Variants in RUVBL2 observed in about 807,000 individuals in gnomAD.
The protein encoded by RUVBL2 is ruvB-like 2.
Under a neutral mutation model 57.9 loss-of-function variants are expected in RUVBL2, and 9 were observed. The observed-to-expected ratio is 0.16, with a 90% confidence interval of 0.09 to 0.27. The LOEUF is 0.27. Among genes scored for constraint, RUVBL2 ranks in the 10% least tolerant of loss-of-function variants. The probability of loss-of-function intolerance (pLI) is 1.00; values close to 1 mark genes in which losing one functional copy is unlikely to be tolerated. For synonymous variants in RUVBL2, 278 were observed against 264.6 expected (o/e 1.05, Z -0.49); for missense variants, 456 against 669.6 (o/e 0.68, Z 3.52).
chr19:49,002,880 C>T lies in RUVBL2; in HGVS notation c.68-399C>T, dbSNP rs114534064. Among the ~76,000 whole-genome samples the T allele has an allele frequency of 7.1e-3, 1,076 of 152,008 alleles. 14 individuals are homozygous for T. Among genetic ancestry groups the T allele is most frequent in the African/African-American group, 0.02 (809 of 41,462 alleles). ...GATTATAGGCAGGAGCCACTGCGCC[C>T]GGCCCCAGCCAGGGCTCTTTTTTTG... On this transcript the variant is annotated intron_variant, in intron 2 of 14. Coordinates refer to ENST00000595090, the MANE Select transcript of RUVBL2 (RefSeq NM_006666.3).
In RUVBL2 at chr19:49,007,404, C is replaced by T. The variant is rs770449533; in HGVS notation, c.462+36C>T. On this transcript the variant is annotated intron_variant, in intron 6 of 14. Transcript: ENST00000595090. ...GTGAGTCTGTACCCTGCTGAGGCCA[C>T]CTCCAGCGCCAGGGTTGGAGAGAGT... 1.7e-5 allele frequency: 27 copies of T among 1,587,528 alleles called. No homozygotes were observed. In the Admixed American group the frequency reaches 4.4e-4, roughly 26 times the overall value.
Position 49,011,654 on chromosome 19 carries a change from C to A in RUVBL2, c.1001+344C>A, listed in dbSNP as rs1226109901. 6.6e-6 allele frequency among the ~76,000 whole-genome samples: 1 copy of A among 152,212 alleles called. No individual in the cohort carries two copies. The highest frequency in any genetic ancestry group is 1.5e-5 in the Non-Finnish European group (1 of 68,046). On this transcript the variant is annotated intron_variant, in intron 11 of 14. Coordinates refer to ENST00000595090, the MANE Select transcript of RUVBL2 (RefSeq NM_006666.3). The surrounding 1 kb of genome is among the most constrained non-coding windows in gnomAD (Gnocchi z 4.4). ...GCACAGTGACATCTGTTAGACATAA[C>A]ATAAACTACGATTGTTCAGTCACTT...
intron 11 of RUVBL2, among the ~76,000 whole-genome samples, chr19:49,012,843 C>CCACACACACACACACACACACACA (rs58302006): frequency 9.9e-5 from 14 of 141,906 alleles, no homozygotes; most frequent in African/African-American, 3.4e-4. Context: ...TCAGTGCCCA[C>CCACACACACACACACACACACACA]CACACACACA....
At chr19:48,993,995 C>T (rs2038999739) in intron 1 of RUVBL2, 72 bp downstream of exon 1, 1 of 1,582,988 alleles carries the variant, frequency 6.3e-7, no homozygotes, top group Non-Finnish European at 8.7e-7. Context: ...ATGCTGGAGG[C>T]CCTGACTCCT....
rs746178104 is a variant in RUVBL2 at position 49,007,368 on chromosome 19, G to GGTGAGTCTGT, written c.462+11_462+20dup. The GGTGAGTCTGT allele has an allele frequency of 1.2e-6, 2 of 1,613,790 alleles. No individual in the cohort carries two copies. The highest frequency in any genetic ancestry group is 2.2e-5 in the South Asian group (2 of 90,972). ...AGATTGATCGACCAGCAACAGGGAC[G>GGTGAGTCTGT]GTGAGTCTGTGTGAGTCTGTACCCT... On this transcript the variant is annotated frameshift_variant and splice_region_variant. Transcript: ENST00000595090. LOFTEE classifies it high-confidence loss of function.
intron 2 of RUVBL2, chr19:49,001,225 A>G (rs2039174044): frequency 6.7e-6 from 1 of 149,978 alleles, no homozygotes; most frequent in African/African-American, 2.5e-5. Flanking sequence ...GCAGTGGCGC[A>G]ATCTCGGCTC....
At chr19:48,999,483 A>C (rs2039134064) in intron 2 of RUVBL2, 110 bp downstream of exon 2, 2 of 1,086,432 alleles carry the variant, frequency 1.8e-6, no homozygotes, top group South Asian at 1.3e-5. Flanking sequence ...CTGCACACCA[A>C]CTGTGCCCCC....
At chr19:49,003,995 G>A (rs965126571) in intron 3 of RUVBL2, among the ~76,000 whole-genome samples, 1 of 151,028 alleles carries the variant, frequency 6.6e-6, no homozygotes, top group Non-Finnish European at 1.5e-5. Context: ...GCACATTTGT[G>A]GTCCCAGCTA....
intron 8 of RUVBL2, 143 bp from the exon 9 acceptor site, chr19:49,010,345 C>G: frequency 2.4e-6 from 2 of 850,698 alleles, no homozygotes; most frequent in Non-Finnish European, 3.7e-6. Flanking sequence ...CCTCCTGGGC[C>G]TGGGGTTTCC....
Position 49,009,782 on chromosome 19 carries a change from A to G in RUVBL2, c.469A>G (p.Lys157Glu). Residue 157 changes from lysine (K) to glutamate (E), a missense_variant, in exon 7 of 15, where the codon AAG becomes GAG. Physicochemically the swap from Lys to Glu is moderately conservative, Grantham distance 56 (BLOSUM62 1). This residue lies in a region of RUVBL2 where 233 missense variants were observed against 306.0 expected (regional missense o/e 0.76). Transcript: ENST00000595090. ...IDRPATGTGS[K>E]VGKLTLKTTE... ...GGCTTGTCCCCACTCTCAGGGCTCC[A>G]AGGTGGGCAAACTGACCCTCAAGAC... 6.2e-7 allele frequency: 1 copy of G among 1,613,944 alleles called. No individual in the cohort carries two copies. Among genetic ancestry groups the G allele is most frequent in the Non-Finnish European group, 8.5e-7 (1 of 1,179,916 alleles).
intron 6 of RUVBL2, among the ~76,000 whole-genome samples, chr19:49,009,191 A>G (rs2039348046): frequency 7.4e-6 from 1 of 135,216 alleles, no homozygotes; most frequent in African/African-American, 2.8e-5. Context: ...AAAAAAAAAA[A>G]AAAAAGAGCT....
rs78248023 is a variant in RUVBL2 at position 49,011,914 on chromosome 19, C to G, written c.1001+604C>G. ...ACTGTGCTGTGCTGAAGCCTGGGAA[C>G]CTCGTCTCCCAGGTGTTGCCAGCAC... is the stretch of plus-strand genomic sequence containing the variant. On this transcript the variant is annotated intron_variant, in intron 11 of 14. Transcript: ENST00000595090. The surrounding 1 kb of genome is among the most constrained non-coding windows in gnomAD (Gnocchi z 4.4). Among the ~76,000 whole-genome samples, 2 of 151,542 alleles carry G rather than the reference C, an allele frequency of 1.3e-5. No homozygotes were observed. The highest frequency in any genetic ancestry group is 2.9e-5 in the Non-Finnish European group (2 of 67,852).
In RUVBL2 at chr19:49,015,147, C is replaced by T; in HGVS notation, c.1248C>T (p.Arg416=). 6.2e-7 allele frequency: 1 copy of T among 1,606,838 alleles called. No homozygotes were observed. ...CTGCCAGCTTGGTGTGCCGGAAACG[C>T]AAGGTCAGCCGGCCGAATTAGCCAG... The part of the protein sequence containing the change: ...ITAASLVCRK[R]KGTEVQVDDI... Residue 416 remains arginine, a synonymous_variant, in exon 13 of 15, where the codon CGC becomes CGT. Coordinates refer to ENST00000595090, the MANE Select transcript of RUVBL2 (RefSeq NM_006666.3).
chr19:49,003,252 G>A, intron 2 of RUVBL2, 27 bp from the exon 3 acceptor site: 9 of 1,610,242 alleles, frequency 5.6e-6, no homozygotes, highest in Non-Finnish European at 7.6e-6. Flanking sequence ...GCTAGTAACT[G>A]AGTCTTTGTT....
intron 8 of RUVBL2, 115 bp downstream of exon 8, chr19:49,010,181 C>A: frequency 1.0e-6 from 1 of 991,180 alleles, no homozygotes; most frequent in Non-Finnish European, 1.5e-6. Flanking sequence ...ACTGTTTGTC[C>A]TGGTACTCCT....
chr19:49,004,160 CT>C, intron 3 of RUVBL2, 116 bp from the exon 4 acceptor site: 2 of 695,976 alleles, frequency 2.9e-6, no homozygotes, highest in Non-Finnish European at 2.2e-6. Context: ...GCTTTTTTGG[CT>C]TTTCCTAGAA....
chr19:49,010,702 C>G, intron 9 of RUVBL2, 91 bp downstream of exon 9: 2 of 1,539,474 alleles, frequency 1.3e-6, no homozygotes, highest in Non-Finnish European at 1.8e-6. Flanking sequence ...CCGAGTGTGG[C>G]CCACCTGCTC....
chr19:49,015,898 A>G lies in RUVBL2; in HGVS notation c.*56A>G. On this transcript the variant is annotated 3_prime_UTR_variant, in exon 15 of 15. Coordinates refer to ENST00000595090, the MANE Select transcript of RUVBL2 (RefSeq NM_006666.3). Reference sequence around the variant, plus strand: ...TTTCCACCAGAGTTCTGACACTGTGACTCTGTATAAAATGGTTGGGAAGCT... The same window carrying G: ...TTTCCACCAGAGTTCTGACACTGTGGCTCTGTATAAAATGGTTGGGAAGCT... 1.2e-6 allele frequency: 2 copies of G among 1,613,962 alleles called. No individual in the cohort carries two copies. Among genetic ancestry groups the G allele is most frequent in the Non-Finnish European group, 1.7e-6 (2 of 1,179,896 alleles).
At chr19:49,004,139 A>AT (rs2122606700) in intron 3 of RUVBL2, 138 bp from the exon 4 acceptor site, 1 of 1,033,348 alleles carries the variant, frequency 9.7e-7, no homozygotes, top group East Asian at 2.8e-5. Flanking sequence ...AAAAAAAAAA[A>AT]AGCAGGGAAA....
Sources: gnomAD v4.1 joint callset for allele counts (sites outside exome capture counted in the v4.1 genomes callset) on GRCh38, gnomAD v4.1.1 for gene constraint, gnomAD v4.1.1 regional missense constraint, Gnocchi (gnomAD v3.1) non-coding constraint, MANE v1.5 for transcripts, NCBI Gene and HGNC (gene_info 2026-07-23, HGNC 2026-07-21) for gene names.